Variants in FBXO34 observed in about 807,000 individuals in gnomAD.
FBXO34 encodes the protein F-box only protein 34.
FBXO34 carries 12 observed loss-of-function variants against 24.5 expected under a neutral mutation model. The ratio of observed to expected loss-of-function variants is 0.49; its 90% CI spans 0.31 to 0.79. The LOEUF (loss-of-function observed/expected upper bound fraction) is 0.79. Ranked by LOEUF, FBXO34 falls within the 30% of genes least tolerant of loss-of-function variation. The probability of loss-of-function intolerance (pLI) is 0.04; values close to 1 mark genes in which losing one functional copy is unlikely to be tolerated. For synonymous variants in FBXO34, 320 were observed against 311.9 expected (o/e 1.03, Z -0.27); for missense variants, 823 against 857.7 (o/e 0.96, Z 0.51).
chr14:55,437,150 C>T, the FBXO34 span: 1 of 749,238 alleles, frequency 1.3e-6, no homozygotes. Flanking sequence ...TGCTTGTATT[C>T]ATGCACTGCT....
chr14:55,400,151 GCTCA>G, the FBXO34 span, among the ~76,000 whole-genome samples: 25 of 152,260 alleles, frequency 1.6e-4, no homozygotes, highest in African/African-American at 5.5e-4. Context: ...GGCTGCAACT[GCTCA>G]CTCAGTCACT....
the FBXO34 span, chr14:55,411,925 A>AAGGGGGGCTG: frequency 8.8e-7 from 1 of 1,136,222 alleles, no homozygotes; most frequent in Non-Finnish European, 1.2e-6. Flanking sequence ...GATGCCGGCG[A>AAGGGGGGCTG]GCCCCCGGAC....
At chr14:55,298,848 C>T (rs1436321663) in intron 1 of FBXO34, 2 of 1,612,408 alleles carry the variant, frequency 1.2e-6, no homozygotes, top group South Asian at 1.1e-5. Flanking sequence ...GCAGCTGGCG[C>T]AGATCGACGG....
the FBXO34 span, among the ~76,000 whole-genome samples, chr14:55,428,610 A>G: frequency 1.6e-3 from 245 of 152,124 alleles, 1 homozygote; most frequent in African/African-American, 5.5e-3. Context: ...TAAGTTTAAG[A>G]ACCATGGTTT....
chr14:55,430,281 AC>A, the FBXO34 span, among the ~76,000 whole-genome samples: 1 of 151,952 alleles, frequency 6.6e-6, no homozygotes, highest in Non-Finnish European at 1.5e-5. Flanking sequence ...GTTTGCCTGG[AC>A]TAAAGCAAGT....
chr14:55,378,075 CTG>C, the FBXO34 span: 1 of 1,611,204 alleles, frequency 6.2e-7, no homozygotes, highest in Non-Finnish European at 8.5e-7. Flanking sequence ...ACAAAATTCA[CTG>C]TAAAACAAAC....
At chr14:55,429,783 A>AG in the FBXO34 span, among the ~76,000 whole-genome samples, 1 of 150,918 alleles carries the variant, frequency 6.6e-6, no homozygotes, top group African/African-American at 2.4e-5. Flanking sequence ...AAAAAAAAAA[A>AG]AAAAAAGAAA....
chr14:55,338,400 A>T (rs1271961998), intron 1 of FBXO34, among the ~76,000 whole-genome samples: 1 of 152,056 alleles, frequency 6.6e-6, no homozygotes, highest in Non-Finnish European at 1.5e-5. Context: ...TAAGTTCCTT[A>T]AGCCATCTCT....
At chr14:55,393,780 T>C in the FBXO34 span, among the ~76,000 whole-genome samples, 1 of 152,084 alleles carries the variant, frequency 6.6e-6, no homozygotes, top group Admixed American at 6.6e-5. Flanking sequence ...TTTCAATTCC[T>C]GGGCTTGAGC....
the FBXO34 span, among the ~76,000 whole-genome samples, chr14:55,419,146 G>T: frequency 1.3e-3 from 193 of 152,374 alleles, no homozygotes; most frequent in African/African-American, 4.3e-3. Flanking sequence ...TTGTAGACTT[G>T]CAAATTGCTG....
chr14:55,374,133 C>T (rs10132453), downstream of FBXO34, among the ~76,000 whole-genome samples: 45,031 of 152,152 alleles, frequency 0.3, 7,057 homozygotes, highest in Non-Finnish European at 0.33. Flanking sequence ...CTGGATTCAT[C>T]GAGCCTTCCT....
intron 1 of FBXO34, among the ~76,000 whole-genome samples, chr14:55,288,943 GGA>G (rs1881851623): frequency 6.6e-6 from 1 of 152,092 alleles, no homozygotes; most frequent in Non-Finnish European, 1.5e-5. Flanking sequence ...CCCAGTTACT[GGA>G]GAGGCTGAGG....
At chr14:55,298,763 A>C in intron 1 of FBXO34, 1 of 1,580,514 alleles carries the variant, frequency 6.3e-7, no homozygotes, top group Non-Finnish European at 8.7e-7. Context: ...TGGAGAAGAA[A>C]ATCGAGCAGA....
chr14:55,276,769 G>C (rs1419905334), intron 1 of FBXO34, among the ~76,000 whole-genome samples: 2 of 152,226 alleles, frequency 1.3e-5, no homozygotes, highest in African/African-American at 2.4e-5. Context: ...TAGATTCGGG[G>C]CTTTGGGCAT....
chr14:55,313,391 A>C (rs1236597806), intron 1 of FBXO34, among the ~76,000 whole-genome samples: 1 of 152,146 alleles, frequency 6.6e-6, no homozygotes, highest in Non-Finnish European at 1.5e-5. Flanking sequence ...ACTTTCCCAC[A>C]TCTTCATGTC....
At chr14:55,304,466 A>G (rs892223195) in intron 1 of FBXO34, among the ~76,000 whole-genome samples, 4 of 152,010 alleles carry the variant, frequency 2.6e-5, no homozygotes, top group African/African-American at 9.7e-5. Context: ...TGCTTGGATT[A>G]TAGGCATGAG....
chr14:55,432,233 C>T, the FBXO34 span, among the ~76,000 whole-genome samples: 1 of 140,632 alleles, frequency 7.1e-6, no homozygotes, highest in African/African-American at 2.8e-5. Context: ...TATGGGGAAA[C>T]CCCCGTCTCT....
chr14:55,357,156 C>T (rs970138533), downstream of FBXO34, among the ~76,000 whole-genome samples: 4 of 152,344 alleles, frequency 2.6e-5, no homozygotes, highest in Admixed American at 2.0e-4. Context: ...GTTATAAACC[C>T]TTGGGTAACA....
the FBXO34 span, among the ~76,000 whole-genome samples, chr14:55,439,415 T>C: frequency 1.3e-5 from 2 of 151,972 alleles, no homozygotes; most frequent in Non-Finnish European, 2.9e-5. Context: ...GGGCTCTCTG[T>C]TTCCCCTGTC....
Sources: allele counts gnomAD v4.1 joint callset (sites outside exome capture counted in the v4.1 genomes callset), GRCh38; gene constraint gnomAD v4.1.1; transcripts MANE v1.5; gene names NCBI Gene and HGNC (gene_info 2026-07-23, HGNC 2026-07-21).